JAK2: variants seen among roughly 807,000 people sequenced by gnomAD.
The protein encoded by JAK2 is tyrosine-protein kinase JAK2.
Under a neutral mutation model 139.3 loss-of-function variants are expected in JAK2, and 86 were observed. The ratio of observed to expected loss-of-function variants is 0.62; its 90% CI spans 0.52 to 0.74. The LOEUF is 0.74. JAK2 is among the 30% of genes least tolerant of loss of function. JAK2 has a pLI of 0.00. For missense variants in JAK2, 1,421 were observed against 1,360.3 expected, an observed-to-expected ratio of 1.04 and a Z score of -0.70; for synonymous variants, 490 against 437.7, an observed-to-expected ratio of 1.12 and a Z score of -1.49.
chr9:5,089,437 C>G (rs1820393080), intron 19 of JAK2, among the ~76,000 whole-genome samples: 2 of 146,928 alleles, frequency 1.4e-5, no homozygotes. Flanking sequence ...ACTGGGGAGG[C>G]TGAGGCAGGA....
chr9:5,058,041 T>C (rs1323903466), intron 8 of JAK2, among the ~76,000 whole-genome samples: 1 of 152,182 alleles, frequency 6.6e-6, no homozygotes, highest in Non-Finnish European at 1.5e-5. Flanking sequence ...TTTTAATATA[T>C]GTATGTATTC....
intron 14 of JAK2, among the ~76,000 whole-genome samples, chr9:5,074,969 T>G (rs1819212616): frequency 1.3e-5 from 2 of 152,208 alleles, no homozygotes; most frequent in South Asian, 4.1e-4. Context: ...GCACATAAAT[T>G]ACAAGAAAGT....
intron 2 of JAK2, among the ~76,000 whole-genome samples, chr9:4,998,745 A>C (rs537881415): frequency 3.3e-5 from 5 of 152,036 alleles, no homozygotes; most frequent in South Asian, 4.1e-4. Context: ...AAAAAACAAA[A>C]AAAAAAACAA....
chr9:4,997,524 T>C (rs888618754), intron 2 of JAK2, among the ~76,000 whole-genome samples: 3 of 152,124 alleles, frequency 2.0e-5, no homozygotes, highest in South Asian at 2.1e-4. Context: ...AAGGGGGATG[T>C]TGCTAAACCA....
In JAK2 at chr9:5,089,686, A is replaced by G; in HGVS notation, c.2584A>G (p.Ser862Gly). ...ATGTGTCATTTAGGGTAATTTTGGGAGTGTGGAGATGTGCCGGTATGACCC... is the reference window on the plus strand; with the variant it reads ...ATGTGTCATTTAGGGTAATTTTGGGGGTGTGGAGATGTGCCGGTATGACCC... ...LQQLGKGNFG[S>G]VEMCRYDPLQ... The change falls in exon 20 of 25, where the codon AGT becomes GGT. Residue 862 changes from serine to glycine, a missense_variant. Coordinates refer to ENST00000381652, the MANE Select transcript of JAK2 (RefSeq NM_004972.4). 7.2e-7 allele frequency: 1 copy of G among 1,381,564 alleles called. No individual in the cohort carries two copies. The allele number at this position is 1,381,564 out of a possible 1,614,324, so 85.6% of individuals were successfully genotyped here.
At chr9:5,027,222 G>A (rs536930000) in intron 3 of JAK2, among the ~76,000 whole-genome samples, 1 of 152,308 alleles carries the variant, frequency 6.6e-6, no homozygotes, top group African/African-American at 2.4e-5. Context: ...CGGAGATATT[G>A]TGGGTTTGGT....
intron 2 of JAK2, among the ~76,000 whole-genome samples, chr9:5,010,637 A>T (rs940008057): frequency 6.6e-6 from 1 of 152,190 alleles, no homozygotes; most frequent in Admixed American, 6.5e-5. Context: ...GCCTTTTAAT[A>T]CATTTAATAA....
chr9:5,066,873 T>G (rs1818609898), intron 10 of JAK2, 84 bp downstream of exon 10: 1 of 537,670 alleles, frequency 1.9e-6, no homozygotes, highest in Admixed American at 3.8e-5. Context: ...TATTTCCTTT[T>G]TAATACTGAG....
At chr9:5,111,068 G>T in intron 22 of JAK2, 1 of 1,204,478 alleles carries the variant, frequency 8.3e-7, no homozygotes. Context: ...CTTGAGAACT[G>T]GCCCAGCTCA....
In JAK2 at chr9:5,066,670, A is replaced by T. The variant is rs1215524922; in HGVS notation, c.1215-8A>T. The T allele has an allele frequency of 6.7e-7, 1 of 1,494,710 alleles. No individual in the cohort carries two copies. The highest frequency in any genetic ancestry group is 2.3e-5 in the East Asian group (1 of 44,104). 92.6% of individuals were successfully genotyped at this position (1,494,710 alleles called of 1,614,324 possible). A position where few individuals can be genotyped will look rare whatever the true frequency, so the allele number is the denominator to read the frequency against. ...ATATTATTCAAATTGCTTCTTCTTT[A>T]CCTTTAGGATGGATTTTGCCATTAG... On this transcript the variant is annotated splice_polypyrimidine_tract_variant and splice_region_variant and intron_variant, in intron 9 of 24. Transcript: ENST00000381652.
Position 5,069,209 on chromosome 9 carries a change from G to A in JAK2, c.1513+1G>A. ...AAATGCTGTCCCCCAAAGCCAAAAG[G>A]TAAGATAATTTTCTAGTTATTTTTA... On this transcript the variant is annotated splice_donor_variant, in intron 11 of 24. Coordinates refer to ENST00000381652, the MANE Select transcript of JAK2 (RefSeq NM_004972.4). LOFTEE classifies it high-confidence loss of function. 1 of 1,591,672 alleles carries A rather than the reference G, an allele frequency of 6.3e-7. No homozygotes were observed. Among genetic ancestry groups the A allele is most frequent in the Non-Finnish European group, 8.6e-7 (1 of 1,168,614 alleles).
rs773078489 is a variant in JAK2 at position 5,089,857 on chromosome 9, A to T, written c.2755A>T (p.Ser919Cys). The T allele has an allele frequency of 7.4e-6, 11 of 1,490,610 alleles. No homozygotes were observed. The highest frequency in any genetic ancestry group is 9.8e-6 in the Non-Finnish European group (11 of 1,123,162). 92.3% of individuals were successfully genotyped at this position (1,490,610 alleles called of 1,614,324 possible). A position where few individuals can be genotyped will look rare whatever the true frequency, so the allele number is the denominator to read the frequency against. ...NIVKYKGVCY[S>C]AGRRNLKLIM... is the part of the protein sequence containing the mutation. ...TGTAAAGTACAAGGGAGTGTGCTACAGTGCTGGTAAGCTGCCCATTGAAAC... is the reference window on the plus strand; with the variant it reads ...TGTAAAGTACAAGGGAGTGTGCTACTGTGCTGGTAAGCTGCCCATTGAAAC... Residue 919 changes from serine (S) to cysteine (C), a missense_variant, in exon 20 of 25, where the codon AGT becomes TGT. Transcript: ENST00000381652.
intron 4 of JAK2, among the ~76,000 whole-genome samples, chr9:5,035,319 T>G (rs1467009307): frequency 1.3e-5 from 2 of 152,200 alleles, no homozygotes; most frequent in Non-Finnish European, 2.9e-5. Context: ...GAGGAGCTGG[T>G]ACCATTCCTT....
intron 2 of JAK2, among the ~76,000 whole-genome samples, chr9:5,015,527 CTTTTTCTTTTCT>C (rs776363332): frequency 0.013 from 1,892 of 140,574 alleles, 29 homozygotes; most frequent in Non-Finnish European, 0.019. Flanking sequence ...TATTCTTTTT[CTTTTTCTTTTCT>C]TTTTTTTTTT....
chr9:5,040,479 G>C (rs998032834), intron 4 of JAK2, among the ~76,000 whole-genome samples: 4 of 152,220 alleles, frequency 2.6e-5, no homozygotes, highest in Non-Finnish European at 1.5e-5. Context: ...AAAAACATCT[G>C]TGTGTCAAAG....
rs1416185810 is a variant in JAK2 at position 5,022,107 on chromosome 9, G to T, written c.120G>T (p.Gln40His). The T allele has an allele frequency of 3.7e-6, 6 of 1,613,830 alleles. No individual in the cohort carries two copies. In the South Asian group the frequency reaches 6.6e-5, roughly 18 times the overall value. The change falls in exon 3 of 25, where the codon CAG (glutamine) becomes CAT (histidine). Residue 40 changes from glutamine (Q) to histidine (H), a missense_variant. Coordinates refer to ENST00000381652, the MANE Select transcript of JAK2 (RefSeq NM_004972.4). ...NSMKQIDPVLQVYLYHSLGKS... is the reference protein window; with the variant it reads ...NSMKQIDPVLHVYLYHSLGKS... ...TGAAGCAAATAGATCCAGTTCTTCAGGTGTATCTTTACCATTCCCTTGGGA... is the reference window on the plus strand; with the variant it reads ...TGAAGCAAATAGATCCAGTTCTTCATGTGTATCTTTACCATTCCCTTGGGA...
intron 8 of JAK2, among the ~76,000 whole-genome samples, chr9:5,062,187 G>C (rs1423101035): frequency 3.3e-5 from 5 of 151,942 alleles, no homozygotes; most frequent in African/African-American, 1.2e-4. Flanking sequence ...TGCAAAACCT[G>C]CATATGTGTA....
At chr9:5,050,995 C>T (rs964340781) in intron 6 of JAK2, among the ~76,000 whole-genome samples, 164 bp downstream of exon 6, 1 of 152,064 alleles carries the variant, frequency 6.6e-6, no homozygotes. Flanking sequence ...TTGGATATTT[C>T]CAGATTTTGG....
intron 2 of JAK2, among the ~76,000 whole-genome samples, chr9:4,988,964 A>C (rs1820107332): frequency 6.6e-6 from 1 of 152,124 alleles, no homozygotes; most frequent in East Asian, 1.9e-4. Flanking sequence ...TGTGAATCCC[A>C]GGACACATTT....
Sources: allele counts gnomAD v4.1 joint callset (sites outside exome capture counted in the v4.1 genomes callset), GRCh38; gene constraint gnomAD v4.1.1; transcripts MANE v1.5; gene names NCBI Gene and HGNC (gene_info 2026-07-23, HGNC 2026-07-21).